The following DIP2B variants were observed in gnomAD, a reference collection of about 807,000 sequenced individuals.
DIP2B encodes the protein DIP2 acetate--CoA ligase B (putative).
In DIP2B, 76 loss-of-function variants were observed where a neutral mutation model predicts 198.0. The ratio of observed to expected loss-of-function variants is 0.38; its 90% CI spans 0.32 to 0.46. The LOEUF (loss-of-function observed/expected upper bound fraction) is 0.46. Among genes scored for constraint, DIP2B ranks in the 20% least tolerant of loss-of-function variants. The probability of loss-of-function intolerance (pLI) is 0.99; values close to 1 mark genes in which losing one functional copy is unlikely to be tolerated. For missense variants in DIP2B, 1,559 were observed against 1,978.4 expected (o/e 0.79, Z 4.02); for synonymous variants, 701 against 739.1 (o/e 0.95, Z 0.84).
chr12:50,532,607 G>A (rs976977421), intron 1 of DIP2B, among the ~76,000 whole-genome samples: 2 of 152,186 alleles, frequency 1.3e-5, no homozygotes, highest in Non-Finnish European at 2.9e-5. Flanking sequence ...CAGCATTTAA[G>A]CAGCTGTGCT....
intron 1 of DIP2B, among the ~76,000 whole-genome samples, chr12:50,526,626 CTTTTTTTTTTTTTT>C (rs11423846): frequency 6.2e-5 from 4 of 64,182 alleles, no homozygotes; most frequent in Non-Finnish European, 7.5e-5. Context: ...TTTCCTCTGC[CTTTTTTTTTTTTTT>C]TTTTTTTTTT....
At chr12:50,541,243 G>C (rs1348780257) in intron 1 of DIP2B, among the ~76,000 whole-genome samples, 1 of 152,098 alleles carries the variant, frequency 6.6e-6, no homozygotes, top group Non-Finnish European at 1.5e-5. Context: ...AGTTCTTCCA[G>C]TCTTGAATTG....
At chr12:50,603,551 C>T (rs146255144) in intron 1 of DIP2B, among the ~76,000 whole-genome samples, 1,627 of 152,090 alleles carry the variant, frequency 0.011, 32 homozygotes, top group African/African-American at 0.037. Flanking sequence ...CCAGCCTGGG[C>T]GACATGGTGA....
At chr12:50,553,894 T>C (rs1013428329) in intron 1 of DIP2B, among the ~76,000 whole-genome samples, 2 of 152,172 alleles carry the variant, frequency 1.3e-5, no homozygotes, top group African/African-American at 4.8e-5. Context: ...GCTCATTTGA[T>C]CCTTCCACTT....
intron 1 of DIP2B, among the ~76,000 whole-genome samples, chr12:50,611,309 CTT>C (rs1959029890): frequency 6.6e-6 from 1 of 152,170 alleles, no homozygotes; most frequent in Non-Finnish European, 1.5e-5. Flanking sequence ...GATATCAGCT[CTT>C]GTACTACCGA....
chr12:50,730,224 T>C (rs1265962318), intron 30 of DIP2B, among the ~76,000 whole-genome samples: 1 of 152,212 alleles, frequency 6.6e-6, no homozygotes, highest in African/African-American at 2.4e-5. Context: ...TCTAAACTCC[T>C]TCATAGGATG....
chr12:50,681,810 T>G (rs1242918183), intron 9 of DIP2B, among the ~76,000 whole-genome samples: 1 of 152,208 alleles, frequency 6.6e-6, no homozygotes, highest in East Asian at 1.9e-4. Flanking sequence ...ATGTGACACA[T>G]GAGTGTTTCC....
At chr12:50,704,375 T>A (rs1939476183) in intron 20 of DIP2B, among the ~76,000 whole-genome samples, 155 bp downstream of exon 20, 1 of 152,252 alleles carries the variant, frequency 6.6e-6, no homozygotes, top group African/African-American at 2.4e-5. Context: ...TAAAATGAGT[T>A]AGTGTTTATC....
intron 1 of DIP2B, among the ~76,000 whole-genome samples, chr12:50,566,032 C>T (rs760373687): frequency 6.6e-6 from 1 of 151,740 alleles, no homozygotes; most frequent in Non-Finnish European, 1.5e-5. Flanking sequence ...AATTCTGAAT[C>T]GACAGTACTT....
intron 3 of DIP2B, among the ~76,000 whole-genome samples, chr12:50,647,897 T>C (rs999785254): frequency 3.3e-5 from 5 of 152,098 alleles, no homozygotes; most frequent in Non-Finnish European, 5.9e-5. Context: ...GGTGGATTGC[T>C]TGAGGTCAGG....
intron 7 of DIP2B, among the ~76,000 whole-genome samples, chr12:50,677,917 G>A (rs1326572302): frequency 6.6e-6 from 1 of 151,832 alleles, no homozygotes; most frequent in Non-Finnish European, 1.5e-5. Flanking sequence ...AACTTGTACA[G>A]TAAAAGAAGT....
intron 1 of DIP2B, among the ~76,000 whole-genome samples, chr12:50,548,334 C>T (rs1212122684): frequency 2.6e-5 from 4 of 152,006 alleles, no homozygotes; most frequent in Non-Finnish European, 5.9e-5. Flanking sequence ...AAGGATCCAG[C>T]TAGCTACTTT....
At chr12:50,737,328 T>A (rs1006325899) in intron 35 of DIP2B, among the ~76,000 whole-genome samples, 12 of 152,172 alleles carry the variant, frequency 7.9e-5, no homozygotes, top group Admixed American at 7.9e-4. Flanking sequence ...GGTACCAGAT[T>A]TGTCCACTGA....
intron 1 of DIP2B, among the ~76,000 whole-genome samples, chr12:50,568,260 A>G (rs140871681): frequency 6.6e-5 from 10 of 152,064 alleles, no homozygotes; most frequent in African/African-American, 2.4e-4. Flanking sequence ...CCTGAGATGC[A>G]TGTTTGTTAT....
chr12:50,574,866 G>C (rs1958644824), intron 1 of DIP2B, among the ~76,000 whole-genome samples: 1 of 152,194 alleles, frequency 6.6e-6, no homozygotes, highest in Non-Finnish European at 1.5e-5. Context: ...TTGCAGCCAA[G>C]GTTTGTTTAT....
chr12:50,556,385 C>A (rs1329288533), intron 1 of DIP2B, among the ~76,000 whole-genome samples: 3 of 152,092 alleles, frequency 2.0e-5, no homozygotes, highest in African/African-American at 7.2e-5. Context: ...GACTCCTCAT[C>A]TTTTTACTAA....
At chr12:50,620,495 G>C (rs1260905351) in intron 1 of DIP2B, among the ~76,000 whole-genome samples, 1 of 152,106 alleles carries the variant, frequency 6.6e-6, no homozygotes, top group African/African-American at 2.4e-5. Context: ...GACTCGCCAC[G>C]ACCATTCTCT....
intron 1 of DIP2B, among the ~76,000 whole-genome samples, chr12:50,617,591 T>C (rs1937723742): frequency 6.6e-6 from 1 of 151,874 alleles, no homozygotes; most frequent in Non-Finnish European, 1.5e-5. Flanking sequence ...GGTGGATCAC[T>C]TGAGGTCAGG....
At chr12:50,615,826 A>G (rs1335772559) in intron 1 of DIP2B, among the ~76,000 whole-genome samples, 3 of 152,210 alleles carry the variant, frequency 2.0e-5, no homozygotes, top group South Asian at 4.1e-4. Context: ...TAAAACAGCA[A>G]ACTCAGCGTT....
Sources: allele counts gnomAD v4.1 joint callset (sites outside exome capture counted in the v4.1 genomes callset), GRCh38; gene constraint gnomAD v4.1.1; transcripts MANE v1.5; gene names NCBI Gene and HGNC (gene_info 2026-07-23, HGNC 2026-07-21).